The following CEP152 variants were observed in gnomAD, a reference collection of about 807,000 sequenced individuals.
CEP152 encodes the protein centrosomal protein of 152 kDa.
A neutral mutation model predicts 188.9 loss-of-function variants in CEP152; 132 were observed. The ratio of observed to expected loss-of-function variants is 0.70; its 90% CI spans 0.61 to 0.81. The LOEUF (loss-of-function observed/expected upper bound fraction) is 0.81. Among genes scored for constraint, CEP152 ranks in the 30% least tolerant of loss-of-function variants. The pLI is 0.00. For missense variants in CEP152, 1,914 were observed against 1,969.8 expected, an observed-to-expected ratio of 0.97 and a Z score of 0.54; for synonymous variants, 649 against 666.6, an observed-to-expected ratio of 0.97 and a Z score of 0.41.
At position 48,747,336 on chromosome 15, in the gene CEP152, T is replaced by C. The variant is rs116451986; in HGVS notation, c.3634+1107A>G. 3.6e-3 allele frequency among the ~76,000 whole-genome samples: 541 copies of C among 152,334 alleles called. 3 individuals are homozygous for C. The highest frequency in any genetic ancestry group is 0.013 in the African/African-American group (523 of 41,580). ...GCATTTTGTTTTTTGTCCATTTAAA[T>C]ATTTATTATCTGGTATGTGGTGGGC... is the stretch of plus-strand genomic sequence containing the variant. On this transcript the variant is annotated intron_variant, in intron 22 of 26. Transcript: ENST00000380950.
At chr15:48,781,142 T>A in intron 12 of CEP152, 54 bp downstream of exon 12, 1 of 1,469,902 alleles carries the variant, frequency 6.8e-7, no homozygotes, top group Non-Finnish European at 9.5e-7. Context: ...CCATGCATCA[T>A]CAGCATTACT....
intron 12 of CEP152, among the ~76,000 whole-genome samples, chr15:48,773,766 C>G (rs1479906543): frequency 6.6e-6 from 1 of 152,096 alleles, no homozygotes; most frequent in Non-Finnish European, 1.5e-5. Flanking sequence ...ATAAAGAAAG[C>G]CTTGAAAGGA....
chr15:48,738,358 C>T lies in CEP152; in HGVS notation c.5024G>A (p.Ser1675Asn), dbSNP rs757723374. 2 of 1,614,154 alleles carry T rather than the reference C, an allele frequency of 1.2e-6. No individual in the cohort carries two copies. Among genetic ancestry groups the T allele is most frequent in the East Asian group, 2.2e-5 (1 of 44,888 alleles). The change falls in exon 27 of 27, where the codon AGC becomes AAC. Residue 1675 changes from serine to asparagine, a missense_variant. Physicochemically the swap from Ser to Asn is conservative, Grantham distance 46 (BLOSUM62 1). Transcript: ENST00000380950. Reference protein sequence around the residue: ...DRLKSDFKKLSSTLPSSVCQQ... With the variant: ...DRLKSDFKKLNSTLPSSVCQQ... ...ACACACTGAAGATGGTAATGTACTGCTCAGTTTTTTGAAATCTGACTTTAA... is the reference window on the plus strand; with the variant it reads ...ACACACTGAAGATGGTAATGTACTGTTCAGTTTTTTGAAATCTGACTTTAA...
intron 7 of CEP152, 94 bp from the exon 8 acceptor site, chr15:48,791,470 A>C: frequency 9.3e-7 from 1 of 1,071,076 alleles, no homozygotes; most frequent in South Asian, 1.4e-5. Context: ...ATCATATATA[A>C]ATGTTGTTGA....
chr15:48,781,464 ACTT>A, intron 11 of CEP152, 105 bp from the exon 12 acceptor site: 1 of 835,936 alleles, frequency 1.2e-6, no homozygotes, highest in South Asian at 1.6e-5. Context: ...AGGCAAAAAA[ACTT>A]CTTCAAATAT....
chr15:48,736,037 T>G (rs551473866), downstream of CEP152, among the ~76,000 whole-genome samples: 1 of 152,254 alleles, frequency 6.6e-6, no homozygotes, highest in African/African-American at 2.4e-5. Flanking sequence ...TTAGACAATT[T>G]AGATAAAATA....
At chr15:48,788,334 T>C (rs1164447270) in intron 9 of CEP152, among the ~76,000 whole-genome samples, 1 of 142,616 alleles carries the variant, frequency 7.0e-6, no homozygotes, top group Non-Finnish European at 1.5e-5. Flanking sequence ...TTCTTTTTTT[T>C]TTTTTTTTTT....
At chr15:48,773,435 G>A (rs1386225923) in intron 12 of CEP152, 1 of 152,378 alleles carries the variant, frequency 6.6e-6, no homozygotes, top group Non-Finnish European at 1.5e-5. Context: ...GCACAGGGAG[G>A]TGAAACCCAA....
intron 21 of CEP152, 64 bp downstream of exon 21, chr15:48,752,285 A>G (rs747423332): frequency 2.5e-6 from 4 of 1,613,310 alleles, no homozygotes; most frequent in Non-Finnish European, 8.5e-7. Flanking sequence ...TTTATCCTCA[A>G]AGCAACCCTT....
intron 12 of CEP152, chr15:48,773,125 G>T: frequency 6.3e-6 from 1 of 159,498 alleles, no homozygotes. Context: ...CACAAGTCTG[G>T]GTGAATATCT....
At chr15:48,766,990 T>G in intron 17 of CEP152, 70 bp downstream of exon 17, 4 of 1,591,256 alleles carry the variant, frequency 2.5e-6, no homozygotes, top group African/African-American at 1.3e-5. Context: ...AACAAATGTA[T>G]TCGTTTAAAT....
chr15:48,764,483 C>CA (rs1465114353), intron 17 of CEP152, among the ~76,000 whole-genome samples: 8 of 151,786 alleles, frequency 5.3e-5, no homozygotes, highest in South Asian at 4.2e-4. Context: ...TCTTGGATAG[C>CA]AAAAAAAATC....
intron 12 of CEP152, among the ~76,000 whole-genome samples, chr15:48,774,410 C>A (rs1276799258): frequency 6.6e-6 from 1 of 152,120 alleles, no homozygotes; most frequent in Middle Eastern, 3.2e-3. Flanking sequence ...AACCAGCATA[C>A]ATCACACCAA....
intron 18 of CEP152, among the ~76,000 whole-genome samples, chr15:48,761,344 A>G (rs1172417154): frequency 6.6e-6 from 1 of 152,228 alleles, no homozygotes; most frequent in Admixed American, 6.5e-5. Context: ...TATCAAAAGT[A>G]GAGTGTATTT....
chr15:48,777,719 A>G lies in CEP152; in HGVS notation c.1577+3477T>C, dbSNP rs184789980. ...TACAAGAAATATAAAATATTTTACA[A>G]TATAACTTCCTGTGCCATAAGACAT... On this transcript the variant is annotated intron_variant, in intron 12 of 26. Coordinates refer to ENST00000380950, the MANE Select transcript of CEP152 (RefSeq NM_001194998.2). 3.9e-5 allele frequency among the ~76,000 whole-genome samples: 6 copies of G among 152,288 alleles called. No homozygotes were observed. In the East Asian group the frequency reaches 5.8e-4, roughly 15 times the overall value.
chr15:48,732,654 AT>A (rs58160084), intron 2 of CEP152, among the ~76,000 whole-genome samples: 166 of 143,978 alleles, frequency 1.2e-3, no homozygotes, highest in Non-Finnish European at 1.2e-3. Context: ...CTGCACATGT[AT>A]TTTTTTTTTT....
intron 17 of CEP152, among the ~76,000 whole-genome samples, chr15:48,766,689 A>G (rs1265370320): frequency 6.6e-6 from 1 of 152,156 alleles, no homozygotes; most frequent in African/African-American, 2.4e-5. Flanking sequence ...CTCTGAACGA[A>G]TGCTCCGTGC....
At chr15:48,768,008 T>C (rs574055822) in intron 15 of CEP152, among the ~76,000 whole-genome samples, 2 of 152,338 alleles carry the variant, frequency 1.3e-5, no homozygotes, top group South Asian at 2.1e-4. Flanking sequence ...AATGATACTA[T>C]AGAACCCAAC....
downstream of CEP152, among the ~76,000 whole-genome samples, chr15:48,737,688 G>T (rs1595579079): frequency 6.6e-6 from 1 of 152,040 alleles, no homozygotes; most frequent in African/African-American, 2.4e-5. Flanking sequence ...CCAGGACATA[G>T]CTATGTATTT....
Sources: allele counts gnomAD v4.1 joint callset (sites outside exome capture counted in the v4.1 genomes callset), GRCh38; gene constraint gnomAD v4.1.1; transcripts MANE v1.5; gene names NCBI Gene and HGNC (gene_info 2026-07-23, HGNC 2026-07-21).